The following ASCC1 variants were observed in gnomAD, a reference collection of about 807,000 sequenced individuals.
ASCC1 encodes ASC-1 complex subunit P50.
A neutral mutation model predicts 46.6 loss-of-function variants in ASCC1; 35 were observed. That is an observed-to-expected ratio of 0.75 (90% confidence interval 0.57 to 0.99). ASCC1 has a LOEUF of 0.99. Ranked by LOEUF, ASCC1 falls within the 50% of genes least tolerant of loss-of-function variation. ASCC1 has a pLI of 0.00. For synonymous variants in ASCC1, 143 were observed against 146.6 expected (o/e 0.98, Z 0.18); for missense variants, 376 against 428.7 (o/e 0.88, Z 1.09).
At chr10:72,126,033 C>A (rs1471109971) in intron 9 of ASCC1, among the ~76,000 whole-genome samples, 2 of 152,198 alleles carry the variant, frequency 1.3e-5, no homozygotes, top group Non-Finnish European at 2.9e-5. Flanking sequence ...ACACTCACTG[C>A]CCCACCATTA....
At chr10:72,213,843 G>A (rs1238959096) in intron 1 of ASCC1, among the ~76,000 whole-genome samples, 1 of 151,524 alleles carries the variant, frequency 6.6e-6, no homozygotes, top group Non-Finnish European at 1.5e-5. Context: ...TTCAAGACCA[G>A]CCTGACCAAC....
At chr10:72,214,321 G>A (rs1445451755) in intron 1 of ASCC1, among the ~76,000 whole-genome samples, 1 of 147,958 alleles carries the variant, frequency 6.8e-6, no homozygotes, top group African/African-American at 2.5e-5. Context: ...AACCTAATGA[G>A]TAAAATGCAA....
At chr10:72,175,004 A>T (rs1589464945) in intron 5 of ASCC1, among the ~76,000 whole-genome samples, 1 of 152,092 alleles carries the variant, frequency 6.6e-6, no homozygotes, top group Admixed American at 6.6e-5. Flanking sequence ...CTTCCCCTAT[A>T]CTCGTTGTAT....
In ASCC1 at chr10:72,179,419, T is replaced by C. The variant is rs61853772; in HGVS notation, c.489+17392A>G. Reference sequence around the variant, plus strand: ...GTATAGTTGGTTAGCAGTTGGTCAGTTGATTAGCAAGCAACCATCAAAATG... The same window carrying C: ...GTATAGTTGGTTAGCAGTTGGTCAGCTGATTAGCAAGCAACCATCAAAATG... On this transcript the variant is annotated intron_variant, in intron 5 of 9. Coordinates refer to ENST00000672957, the MANE Select transcript of ASCC1 (RefSeq NM_001198800.3). Among the ~76,000 whole-genome samples the C allele has an allele frequency of 7.5e-3, 1,137 of 152,366 alleles. 6 individuals are homozygous for C. Among genetic ancestry groups the C allele is most frequent in the Non-Finnish European group, 0.012 (807 of 68,028 alleles).
At chr10:72,204,884 G>C (rs1229473114) in intron 3 of ASCC1, among the ~76,000 whole-genome samples, 1 of 152,158 alleles carries the variant, frequency 6.6e-6, no homozygotes, top group Non-Finnish European at 1.5e-5. Flanking sequence ...GCTCCAGTTT[G>C]TTACTATGTG....
intron 6 of ASCC1, among the ~76,000 whole-genome samples, chr10:72,161,187 A>G (rs970291616): frequency 1.3e-4 from 20 of 151,092 alleles, no homozygotes; most frequent in African/African-American, 4.4e-4. Flanking sequence ...GCGACAGGAA[A>G]AAAAAAAAAA....
At chr10:72,213,511 T>A (rs780572614) in intron 1 of ASCC1, among the ~76,000 whole-genome samples, 180 bp from the exon 2 acceptor site, 11 of 151,780 alleles carry the variant, frequency 7.2e-5, no homozygotes, top group East Asian at 1.9e-4. Context: ...TTGCTGCATT[T>A]TCTACCACAC....
At chr10:72,171,696 C>T (rs1019662376) in intron 5 of ASCC1, among the ~76,000 whole-genome samples, 9 of 152,178 alleles carry the variant, frequency 5.9e-5, no homozygotes, top group African/African-American at 7.2e-5. Flanking sequence ...GGATTACATG[C>T]GTGAGCCACC....
intron 8 of ASCC1, among the ~76,000 whole-genome samples, chr10:72,128,465 T>C (rs1845156438): frequency 6.6e-6 from 1 of 152,238 alleles, no homozygotes; most frequent in Non-Finnish European, 1.5e-5. Context: ...TATGTCTCCA[T>C]TGTGGACCTT....
chr10:72,129,226 G>C (rs986467642), intron 8 of ASCC1, among the ~76,000 whole-genome samples: 1 of 152,110 alleles, frequency 6.6e-6, no homozygotes, highest in Admixed American at 6.5e-5. Flanking sequence ...TTAAAATTAA[G>C]AGAAAGAGAA....
At chr10:72,175,818 G>C (rs1041714685) in intron 5 of ASCC1, among the ~76,000 whole-genome samples, 2 of 152,166 alleles carry the variant, frequency 1.3e-5, no homozygotes, top group Non-Finnish European at 2.9e-5. Context: ...GAAAGCACTA[G>C]TTAGCAAGGC....
chr10:72,199,064 C>G (rs867150419), intron 4 of ASCC1, among the ~76,000 whole-genome samples: 1 of 152,046 alleles, frequency 6.6e-6, no homozygotes, highest in Non-Finnish European at 1.5e-5. Flanking sequence ...ATCCACCCAA[C>G]TTGGCCTCCC....
chr10:72,181,411 T>C (rs894361708), intron 5 of ASCC1, among the ~76,000 whole-genome samples: 1 of 152,162 alleles, frequency 6.6e-6, no homozygotes, highest in African/African-American at 2.4e-5. Flanking sequence ...AAGTCTGGTC[T>C]GATGAACTAA....
intron 5 of ASCC1, among the ~76,000 whole-genome samples, chr10:72,194,930 C>T (rs7902443): frequency 0.14 from 20,725 of 151,596 alleles, 4,036 homozygotes; most frequent in African/African-American, 0.43. Context: ...TTAGTAGAGA[C>T]GGGGTTTCTC....
chr10:72,209,414 C>A (rs2133468661), intron 3 of ASCC1, among the ~76,000 whole-genome samples: 1 of 152,128 alleles, frequency 6.6e-6, no homozygotes, highest in African/African-American at 2.4e-5. Context: ...CCCGGGCAGT[C>A]AAGGCTGCAG....
Position 72,123,332 on chromosome 10 carries a change from C to T in ASCC1, c.957+4750G>A, listed in dbSNP as rs1041082765. 2.7e-5 allele frequency among the ~76,000 whole-genome samples: 4 copies of T among 148,318 alleles called. No individual in the cohort carries two copies. The East Asian group carries it at 5.9e-4, about 22-fold the overall frequency. On this transcript the variant is annotated intron_variant, in intron 9 of 9. Coordinates refer to ENST00000672957, the MANE Select transcript of ASCC1 (RefSeq NM_001198800.3). ...CCAGCCTGGGCGGCAGAGCAAGACT[C>T]CGTCTCAAAAAAAAAAAAAAAAATG...
intron 9 of ASCC1, among the ~76,000 whole-genome samples, chr10:72,120,936 G>T (rs1844125967): frequency 6.6e-6 from 1 of 152,082 alleles, no homozygotes; most frequent in South Asian, 2.1e-4. Context: ...GGCAGAAAAA[G>T]TGTGGGAGGC....
intron 9 of ASCC1, chr10:72,102,273 G>A: frequency 6.9e-7 from 1 of 1,438,860 alleles, no homozygotes; most frequent in Non-Finnish European, 9.5e-7. Context: ...TTGAAAGGGA[G>A]CTACTTCATG....
At chr10:72,162,525 A>G (rs1849824218) in intron 5 of ASCC1, among the ~76,000 whole-genome samples, 1 of 151,938 alleles carries the variant, frequency 6.6e-6, no homozygotes, top group East Asian at 1.9e-4. Context: ...GCTGGACTGC[A>G]GTGGTGCAGT....
Sources: allele counts gnomAD v4.1 joint callset (sites outside exome capture counted in the v4.1 genomes callset), GRCh38; gene constraint gnomAD v4.1.1; transcripts MANE v1.5; gene names NCBI Gene and HGNC (gene_info 2026-07-23, HGNC 2026-07-21).